BRF1: variants seen among roughly 807,000 people sequenced by gnomAD.
The protein encoded by BRF1 is BRF1 general transcription factor IIIB subunit, also known as transcription factor IIIB 90 kDa subunit.
Under a neutral mutation model 81.7 loss-of-function variants are expected in BRF1, and 59 were observed. The observed-to-expected ratio is 0.72, with a 90% CI of 0.59 to 0.90. The LOEUF is 0.90. Ranked by LOEUF, BRF1 falls within the 40% of genes least tolerant of loss-of-function variation. The pLI, the probability that BRF1 is intolerant of heterozygous loss-of-function variation, is 0.00. For missense variants in BRF1, 1,050 were observed against 936.3 expected (o/e 1.12, Z -1.58); for synonymous variants, 491 against 395.6 (o/e 1.24, Z -2.86).
At chr14:105,295,967 G>T (rs587694642) in intron 1 of BRF1, among the ~76,000 whole-genome samples, 16 of 151,218 alleles carry the variant, frequency 1.1e-4, no homozygotes, top group African/African-American at 3.6e-4. Flanking sequence ...TGTAATCCCA[G>T]CTACTCAGGA....
At chr14:105,290,923 C>G (rs1168645089) in intron 1 of BRF1, among the ~76,000 whole-genome samples, 1 of 152,108 alleles carries the variant, frequency 6.6e-6, no homozygotes, top group Non-Finnish European at 1.5e-5. Flanking sequence ...CACACACACA[C>G]AGGACACATG....
chr14:105,293,057 C>G (rs2057588242), intron 1 of BRF1, among the ~76,000 whole-genome samples: 1 of 152,222 alleles, frequency 6.6e-6, no homozygotes, highest in Non-Finnish European at 1.5e-5. Context: ...TAAGAGCAGG[C>G]ACCTTCAGCC....
rs1388991297 is a variant in BRF1, at chr14:105,209,395, TA to T, written c.*1155del. On this transcript the variant is annotated 3_prime_UTR_variant, in exon 18 of 18. Coordinates refer to ENST00000547530, the MANE Select transcript of BRF1 (RefSeq NM_001519.4). ...CTGGCTACTGAGCTCTGGGCGGGGG[TA>T]GGGGGGTCTGGCCTGCTGCGGGCCA... 2.0e-5 allele frequency: 13 copies of T among 640,256 alleles called. No homozygotes were observed. The highest frequency in any genetic ancestry group is 1.8e-4 in the African/African-American group (10 of 55,468). 39.7% of individuals were successfully genotyped at this position (640,256 alleles called of 1,614,324 possible). A position where few individuals can be genotyped will look rare whatever the true frequency, so the allele number is the denominator to read the frequency against.
chr14:105,255,899 G>C (rs2055842135), intron 4 of BRF1, among the ~76,000 whole-genome samples: 1 of 152,128 alleles, frequency 6.6e-6, no homozygotes, highest in Non-Finnish European at 1.5e-5. Flanking sequence ...GGCCTTGGTG[G>C]GAGGGTTGCT....
chr14:105,291,732 T>A (rs953163343), intron 1 of BRF1, among the ~76,000 whole-genome samples: 2 of 151,722 alleles, frequency 1.3e-5, no homozygotes, highest in Admixed American at 6.6e-5. Flanking sequence ...GCGTGGTGGC[T>A]CACGCCTGTA....
At chr14:105,262,915 G>GACA (rs2056223266) in intron 3 of BRF1, among the ~76,000 whole-genome samples, 1 of 151,832 alleles carries the variant, frequency 6.6e-6, no homozygotes, top group African/African-American at 2.4e-5. Context: ...GACCAGCCTG[G>GACA]ACAACATAGC....
intron 1 of BRF1, among the ~76,000 whole-genome samples, chr14:105,310,531 C>T (rs1372616765): frequency 3.5e-5 from 2 of 57,936 alleles, no homozygotes; most frequent in East Asian, 5.9e-4. Flanking sequence ...GAGACTCTGT[C>T]TCAAAAAAAA....
At chr14:105,241,888 C>G (rs1163979526) in intron 5 of BRF1, 1 of 209,322 alleles carries the variant, frequency 4.8e-6, no homozygotes, top group Non-Finnish European at 9.9e-6. Flanking sequence ...GGCGGTGCCA[C>G]GGGGGCTGTG....
chr14:105,280,872 C>T (rs1354302082), intron 2 of BRF1, among the ~76,000 whole-genome samples: 484 of 59,294 alleles, frequency 8.2e-3, no homozygotes, highest in Middle Eastern at 0.029. Context: ...GGATACAGCC[C>T]ACGTGACCCT....
intron 5 of BRF1, chr14:105,242,033 C>G (rs1193805787): frequency 6.5e-6 from 1 of 153,182 alleles, no homozygotes; most frequent in African/African-American, 2.4e-5. Context: ...GCAGCGCTCC[C>G]CTATGCCGAG....
intron 6 of BRF1, 71 bp downstream of exon 6, chr14:105,241,194 A>G (rs1458277538): frequency 1.3e-6 from 2 of 1,582,216 alleles, no homozygotes; most frequent in Non-Finnish European, 1.7e-6. Context: ...GCCCACCAGC[A>G]CTCAGGAGTC....
At chr14:105,313,303 T>C (rs2058402196) in intron 1 of BRF1, among the ~76,000 whole-genome samples, 1 of 152,200 alleles carries the variant, frequency 6.6e-6, no homozygotes, top group South Asian at 2.1e-4. Context: ...CCTGTCCTCC[T>C]GGGGTATGGC....
intron 1 of BRF1, among the ~76,000 whole-genome samples, chr14:105,294,005 C>T (rs914292779): frequency 2.6e-5 from 4 of 152,180 alleles, no homozygotes; most frequent in Non-Finnish European, 5.9e-5. Context: ...GCGGCTGGGG[C>T]CTACTTGTGT....
At chr14:105,272,346 A>G (rs1346966216) in intron 3 of BRF1, among the ~76,000 whole-genome samples, 1 of 152,198 alleles carries the variant, frequency 6.6e-6, no homozygotes, top group Non-Finnish European at 1.5e-5. Flanking sequence ...CAGCCCACTC[A>G]GCAACAGCAC....
At chr14:105,281,517 CG>C (rs1446526914) in intron 2 of BRF1, among the ~76,000 whole-genome samples, 2 of 150,524 alleles carry the variant, frequency 1.3e-5, no homozygotes, top group African/African-American at 4.9e-5. Context: ...ACCCTGAGCC[CG>C]GGTGTGTGGA....
chr14:105,294,476 G>A (rs116708275), intron 1 of BRF1, among the ~76,000 whole-genome samples: 2,269 of 152,334 alleles, frequency 0.015, 47 homozygotes, highest in African/African-American at 0.052. Flanking sequence ...GAAACCCTGC[G>A]TCTGCTGCCA....
intron 4 of BRF1, among the ~76,000 whole-genome samples, chr14:105,253,372 T>C (rs1440197445): frequency 6.6e-6 from 1 of 152,178 alleles, no homozygotes; most frequent in African/African-American, 2.4e-5. Flanking sequence ...CTGCCCACAC[T>C]TGGCTGTCTT....
At chr14:105,219,528 T>C (rs8020454) in intron 12 of BRF1, 166,099 of 542,704 alleles carry the variant, frequency 0.31, 34,181 homozygotes, top group African/African-American at 0.78. Flanking sequence ...GGCCACAGGT[T>C]CCCACAAAGG....
intron 10 of BRF1, among the ~76,000 whole-genome samples, chr14:105,224,989 C>G (rs1022838552): frequency 2.6e-5 from 4 of 152,222 alleles, no homozygotes; most frequent in Non-Finnish European, 5.9e-5. Context: ...TGTCAGTGGA[C>G]GATGACCTCT....
Sources: gnomAD v4.1 joint callset for allele counts (sites outside exome capture counted in the v4.1 genomes callset) on GRCh38, gnomAD v4.1.1 for gene constraint, MANE v1.5 for transcripts, NCBI Gene and HGNC (gene_info 2026-07-23, HGNC 2026-07-21) for gene names.